The following PRKD3 variants were observed in gnomAD, a reference collection of about 807,000 sequenced individuals.
PRKD3 encodes serine/threonine-protein kinase D3.
A neutral mutation model predicts 99.2 loss-of-function variants in PRKD3; 47 were observed. That is an observed-to-expected ratio of 0.47 (90% CI 0.38 to 0.60). The LOEUF is 0.60. PRKD3 is among the 20% of genes least tolerant of loss of function. The pLI, the probability that PRKD3 is intolerant of heterozygous loss-of-function variation, is 0.00. For missense variants in PRKD3, 1,019 were observed against 1,088.4 expected (o/e 0.94, Z 0.90); for synonymous variants, 392 against 355.4 (o/e 1.10, Z -1.16).
Position 37,279,872 on chromosome 2 carries a change from A to C in PRKD3, c.1046T>G (p.Ile349Arg), listed in dbSNP as rs528407289. Residue 349 changes from isoleucine to arginine, a missense_variant, in exon 8 of 19, where the codon ATA becomes AGA. Around this residue, in one of 3 missense-constraint regions of PRKD3, gnomAD observed 710 missense variants for 692.7 expected, o/e 1.02. Transcript: ENST00000234179. ...CAAACCCCGACTACTATCACTATTT[A>C]TGTCATTATTGTCAATATCCATTGG... ...DIPMDIDNND[I>R]NSDSSRGLDD... 35 of 1,613,186 alleles carry C rather than the reference A, an allele frequency of 2.2e-5. 1 individual carries two copies. The East Asian group carries it at 7.6e-4, about 35-fold the overall frequency.
chr2:37,315,466 T>A (rs1179323701), intron 2 of PRKD3, among the ~76,000 whole-genome samples: 1 of 152,086 alleles, frequency 6.6e-6, no homozygotes, highest in African/African-American at 2.4e-5. Context: ...ACGTTCAGAA[T>A]CTTCCTAAAC....
intron 14 of PRKD3, among the ~76,000 whole-genome samples, chr2:37,264,574 A>G (rs1284667217): frequency 6.6e-6 from 1 of 152,266 alleles, no homozygotes; most frequent in East Asian, 1.9e-4. Flanking sequence ...TTCATTGAGG[A>G]AATGATATTT....
chr2:37,311,369 T>C (rs1671418085), intron 2 of PRKD3, among the ~76,000 whole-genome samples: 1 of 152,244 alleles, frequency 6.6e-6, no homozygotes, highest in African/African-American at 2.4e-5. Context: ...TTTGCTCATC[T>C]TCTTTTCTAG....
In PRKD3 at chr2:37,316,255, G is replaced by A; in HGVS notation, c.270C>T (p.Cys90=). ...LSLSAVKDLV[C]SIVYQKFPEC... Reference sequence around the variant, plus strand: ...ACAGTACCTTTTGATAAACTATGGAGCACACAAGATCCTTGACAGCAGATA... The same window carrying A: ...ACAGTACCTTTTGATAAACTATGGAACACACAAGATCCTTGACAGCAGATA... The change falls in exon 2 of 19, where the codon TGC becomes TGT. Residue 90 remains cysteine, a synonymous_variant. Coordinates refer to ENST00000234179, the MANE Select transcript of PRKD3 (RefSeq NM_005813.6). 1 of 1,613,328 alleles carries A rather than the reference G, an allele frequency of 6.2e-7. No homozygotes were observed. Among genetic ancestry groups the A allele is most frequent in the Admixed American group, 1.7e-5 (1 of 60,030 alleles).
intron 2 of PRKD3, among the ~76,000 whole-genome samples, chr2:37,306,721 A>T (rs1392849489): frequency 6.6e-6 from 1 of 152,114 alleles, no homozygotes; most frequent in Non-Finnish European, 1.5e-5. Flanking sequence ...AGGTGGGAGG[A>T]TCAATTGAGC....
Position 37,279,766 on chromosome 2 carries a change from T to C in PRKD3, c.1152A>G (p.Glu384=). The C allele has an allele frequency of 6.2e-7, 1 of 1,613,308 alleles. No individual in the cohort carries two copies. Among genetic ancestry groups the C allele is most frequent in the Non-Finnish European group, 8.5e-7 (1 of 1,179,768 alleles). The change falls in exon 8 of 19, where the codon GAA becomes GAG. Residue 384 remains glutamate (E), a synonymous_variant. Coordinates refer to ENST00000234179, the MANE Select transcript of PRKD3 (RefSeq NM_005813.6). ...DPSDLDVERD[E]EAVKTISPST... Reference sequence around the variant, plus strand: ...ATTACCTGATTGTTTTAACGGCTTCTTCATCTCTTTCCACATCGAGATCAG... The same window carrying C: ...ATTACCTGATTGTTTTAACGGCTTCCTCATCTCTTTCCACATCGAGATCAG...
chr2:37,267,778 T>G, intron 13 of PRKD3: 2 of 423,574 alleles, frequency 4.7e-6, no homozygotes, highest in South Asian at 6.2e-5. Flanking sequence ...TTGAATGAAC[T>G]TGTTGCTGAA....
intron 1 of PRKD3, among the ~76,000 whole-genome samples, chr2:37,320,215 A>G (rs1671821738): frequency 6.6e-6 from 1 of 152,196 alleles, no homozygotes; most frequent in African/African-American, 2.4e-5. Context: ...AGTAAGTGAT[A>G]GAAATGAGAT....
intron 2 of PRKD3, among the ~76,000 whole-genome samples, chr2:37,307,940 A>T (rs747140602): frequency 6.6e-6 from 1 of 152,244 alleles, no homozygotes; most frequent in Non-Finnish European, 1.5e-5. Flanking sequence ...TTTTTAAATT[A>T]TAAGACTTGA....
At chr2:37,256,192 C>G (rs570893543) in intron 17 of PRKD3, among the ~76,000 whole-genome samples, 1 of 152,022 alleles carries the variant, frequency 6.6e-6, no homozygotes. Flanking sequence ...GAAAACAGTT[C>G]AGAAGAGTAA....
Position 37,316,504 on chromosome 2 carries a change from A to T in PRKD3, c.21T>A (p.Pro7=), listed in dbSNP as rs1671665035. 6.2e-7 allele frequency: 1 copy of T among 1,612,988 alleles called. No homozygotes were observed. The highest frequency in any genetic ancestry group is 1.7e-5 in the Admixed American group (1 of 59,806). ...GTAATACAGACTTCTGGGCTGATGG[A>T]GGGGAATTATTTGCAGACATCTGCC... MSANNS[P]PSAQKSVLPT... Residue 7 remains proline (P), a synonymous_variant, in exon 2 of 19, where the codon CCT becomes CCA. Coordinates refer to ENST00000234179, the MANE Select transcript of PRKD3 (RefSeq NM_005813.6).
In PRKD3 at chr2:37,279,741, A is replaced by ATG. The variant is rs1384787734; in HGVS notation, c.1172+4_1172+5insCA. On this transcript the variant is annotated splice_donor_region_variant and intron_variant, in intron 8 of 18. Coordinates refer to ENST00000234179, the MANE Select transcript of PRKD3 (RefSeq NM_005813.6). ...GAAGTAGCTTGTAATATGTATATAT[A>ATG]TTACCTGATTGTTTTAACGGCTTCT... 4 of 1,611,030 alleles carry ATG rather than the reference A, an allele frequency of 2.5e-6. No individual in the cohort carries two copies. The Admixed American group carries it at 6.7e-5, about 27-fold the overall frequency.
chr2:37,281,639 T>C (rs1474707471), intron 7 of PRKD3, among the ~76,000 whole-genome samples: 1 of 152,146 alleles, frequency 6.6e-6, no homozygotes, highest in Non-Finnish European at 1.5e-5. Flanking sequence ...TCCAGAACTA[T>C]GAAAAATAAA....
chr2:37,302,956 G>A (rs1029212108), intron 2 of PRKD3, among the ~76,000 whole-genome samples: 1 of 152,130 alleles, frequency 6.6e-6, no homozygotes, highest in African/African-American at 2.4e-5. Flanking sequence ...GCTCTCTCCT[G>A]ATTGGTTCTT....
intron 12 of PRKD3, among the ~76,000 whole-genome samples, chr2:37,270,394 A>G (rs1669162791): frequency 6.8e-6 from 1 of 147,900 alleles, no homozygotes; most frequent in African/African-American, 2.5e-5. Flanking sequence ...TACTGGGATT[A>G]GCCTAACTTT....
Position 37,252,839 on chromosome 2 carries a change from A to ATTTACATT in PRKD3, c.*337_*338insAATGTAAA, listed in dbSNP as rs1667609283. ...TCATTAAAAAAACAAACAAACATAT[A>ATTTACATT]TTTATATTTATATATATATATATAA... On this transcript the variant is annotated 3_prime_UTR_variant, in exon 19 of 19. Coordinates refer to ENST00000234179, the MANE Select transcript of PRKD3 (RefSeq NM_005813.6). 1.0e-5 allele frequency: 1 copy of ATTTACATT among 98,852 alleles called. No homozygotes were observed. Among genetic ancestry groups the ATTTACATT allele is most frequent in the Non-Finnish European group, 2.1e-5 (1 of 47,084 alleles). 6.1% of individuals were successfully genotyped at this position (98,852 alleles called of 1,614,324 possible).
chr2:37,283,522 A>G (rs771590917), intron 6 of PRKD3, among the ~76,000 whole-genome samples: 10 of 152,218 alleles, frequency 6.6e-5, no homozygotes, highest in Non-Finnish European at 1.3e-4. Flanking sequence ...CATGAAATGT[A>G]TAATTTGGTG....
At chr2:37,269,486 A>AT in intron 13 of PRKD3, 129 bp downstream of exon 13, 2 of 730,490 alleles carry the variant, frequency 2.7e-6, no homozygotes, top group Non-Finnish European at 4.8e-6. Context: ...TAGCTGAAAG[A>AT]TAACAAGTCA....
At chr2:37,310,500 C>G (rs1190445096) in intron 2 of PRKD3, among the ~76,000 whole-genome samples, 1 of 152,178 alleles carries the variant, frequency 6.6e-6, no homozygotes, top group Non-Finnish European at 1.5e-5. Context: ...ATGGTTTTAA[C>G]TATAACACTA....
Sources: allele counts gnomAD v4.1 joint callset (sites outside exome capture counted in the v4.1 genomes callset), GRCh38; gene constraint gnomAD v4.1.1; regional missense constraint gnomAD v4.1.1; transcripts MANE v1.5; gene names NCBI Gene and HGNC (gene_info 2026-07-23, HGNC 2026-07-21).